The following GPR89A variants were observed in gnomAD, a reference collection of about 807,000 sequenced individuals.
The protein encoded by GPR89A is G protein-coupled receptor 89A.
Under a neutral mutation model 52.0 loss-of-function variants are expected in GPR89A, and 16 were observed. The observed-to-expected ratio is 0.31, with a 90% CI of 0.21 to 0.47. The LOEUF is 0.47. Ranked by LOEUF, GPR89A falls within the 20% of genes least tolerant of loss-of-function variation. The probability of loss-of-function intolerance (pLI) is 1.00; values close to 1 mark genes in which losing one functional copy is unlikely to be tolerated. For synonymous variants in GPR89A, 55 were observed against 150.9 expected (o/e 0.36, Z 4.66); for missense variants, 135 against 449.4 (o/e 0.30, Z 6.33).
intron 3 of GPR89A, among the ~76,000 whole-genome samples, chr1:145,619,240 C>T (rs1183824868): frequency 8.7e-5 from 12 of 137,812 alleles, no homozygotes; most frequent in Non-Finnish European, 1.4e-4. Flanking sequence ...GAGTTGAAAA[C>T]GAAATTTAAA....
At chr1:145,648,625 A>T (rs1400594696) in intron 10 of GPR89A, among the ~76,000 whole-genome samples, 1 of 150,938 alleles carries the variant, frequency 6.6e-6, no homozygotes, top group Non-Finnish European at 1.5e-5. Flanking sequence ...GATTGCAAGC[A>T]CGCACCACCA....
intron 12 of GPR89A, among the ~76,000 whole-genome samples, chr1:145,669,052 T>C (rs1253703257): frequency 1.1e-4 from 16 of 151,998 alleles, no homozygotes; most frequent in African/African-American, 3.4e-4. Flanking sequence ...TGCCAGGTTT[T>C]GGTATCAGGA....
chr1:145,663,344 G>A lies in GPR89A; in HGVS notation c.925G>A (p.Val309Ile), dbSNP rs1439152505. ...ATCTTTGCAGGCTACCATCAATATT[G>A]TTTTTGATCGAGTTGGGAAAACGGA... ...WKIFMATINIVFDRVGKTDPV... is the reference protein window; with the variant it reads ...WKIFMATINIIFDRVGKTDPV... Residue 309 changes from valine (V) to isoleucine (I), a missense_variant, in exon 11 of 14, where the codon GTT (valine) becomes ATT (isoleucine). Physicochemically the swap from Val to Ile is conservative, Grantham distance 29. Around this residue, in one of 10 missense-constraint regions of GPR89A, gnomAD observed 28 missense variants for 61.6 expected, o/e 0.45. Transcript: ENST00000313835. 1.9e-6 allele frequency: 3 copies of A among 1,610,320 alleles called. No individual in the cohort carries two copies. The highest frequency in any genetic ancestry group is 2.5e-6 in the Non-Finnish European group (3 of 1,179,030).
intron 12 of GPR89A, 119 bp from the exon 13 acceptor site, chr1:145,669,506 C>T (rs1652819192): frequency 1.4e-6 from 1 of 735,544 alleles, no homozygotes; most frequent in African/African-American, 1.8e-5. Context: ...ATGAATTGTT[C>T]TATACAGGAT....
intron 1 of GPR89A, among the ~76,000 whole-genome samples, chr1:145,614,076 C>A (rs1648493748): frequency 6.6e-6 from 1 of 152,094 alleles, no homozygotes; most frequent in Admixed American, 6.5e-5. Context: ...GTCCAGCCTC[C>A]CTACTTGATT....
intron 1 of GPR89A, among the ~76,000 whole-genome samples, chr1:145,615,351 A>G (rs1553686773): frequency 1.3e-5 from 2 of 152,040 alleles, no homozygotes; most frequent in African/African-American, 4.8e-5. Context: ...ATTTATTTTT[A>G]TTTATTTTTT....
At position 145,615,535 on chromosome 1, in the gene GPR89A, A is replaced by G. The variant is rs587713697; in HGVS notation, c.43-699A>G. Among the ~76,000 whole-genome samples the G allele has an allele frequency of 4.0e-5, 6 of 150,784 alleles. No individual in the cohort carries two copies. The South Asian group carries it at 1.1e-3, about 27-fold the overall frequency. On this transcript the variant is annotated intron_variant, in intron 1 of 13. Transcript: ENST00000313835. ...ATTTTTATGTGTGTGTGTTTTTTGT[A>G]GAGACGGGTTTTCACCATGTTGGCC...
intron 7 of GPR89A, among the ~76,000 whole-genome samples, chr1:145,634,698 A>G (rs587708576): frequency 6.6e-6 from 1 of 150,650 alleles, no homozygotes; most frequent in Non-Finnish European, 1.5e-5. Flanking sequence ...AATAGAGGTA[A>G]TAATAATGAG....
At chr1:145,657,745 T>C (rs1651907411) in intron 10 of GPR89A, among the ~76,000 whole-genome samples, 1 of 149,260 alleles carries the variant, frequency 6.7e-6, no homozygotes, top group East Asian at 2.0e-4. Flanking sequence ...ATTTGTCTAT[T>C]TTTATTGAAG....
At chr1:145,666,048 CT>C (rs1652531543) in intron 12 of GPR89A, among the ~76,000 whole-genome samples, 1 of 135,996 alleles carries the variant, frequency 7.4e-6, no homozygotes, top group Non-Finnish European at 1.6e-5. Context: ...AGAATTCTGC[CT>C]CCTGAGACTT....
At chr1:145,610,942 T>G (rs1648224502) in intron 1 of GPR89A, among the ~76,000 whole-genome samples, 1 of 152,184 alleles carries the variant, frequency 6.6e-6, no homozygotes, top group South Asian at 2.1e-4. Flanking sequence ...TATACCGTCA[T>G]AAGACTTATC....
intron 12 of GPR89A, among the ~76,000 whole-genome samples, chr1:145,666,875 A>G (rs1652599346): frequency 6.6e-6 from 1 of 152,042 alleles, no homozygotes; most frequent in South Asian, 2.1e-4. Flanking sequence ...CCTACAAAGG[A>G]CATGAACTCA....
intron 10 of GPR89A, among the ~76,000 whole-genome samples, chr1:145,658,599 A>T (rs1651975921): frequency 6.9e-6 from 1 of 145,718 alleles, no homozygotes. Flanking sequence ...ACCACACTCC[A>T]GCAGGCAGCA....
rs781829667 is a variant in GPR89A, at chr1:145,616,326, A to T, written c.102+33A>T. Reference sequence around the variant, plus strand: ...GAAATCATTTTGTCATACTTACACTATATGATTTAGATTGACAAGAAAAAT... The same window carrying T: ...GAAATCATTTTGTCATACTTACACTTTATGATTTAGATTGACAAGAAAAAT... On this transcript the variant is annotated intron_variant, in intron 2 of 13. Transcript: ENST00000313835. 73 of 1,575,000 alleles carry T rather than the reference A, an allele frequency of 4.6e-5. 1 individual carries two copies. In the South Asian group the frequency reaches 7.2e-4, roughly 15 times the overall value.
intron 10 of GPR89A, among the ~76,000 whole-genome samples, chr1:145,654,038 T>C (rs868968334): frequency 1.3e-5 from 2 of 152,194 alleles, no homozygotes; most frequent in Non-Finnish European, 2.9e-5. Flanking sequence ...AGACTTGTTA[T>C]TGTAGTTGCT....
At chr1:145,668,842 C>G (rs1312076853) in intron 12 of GPR89A, among the ~76,000 whole-genome samples, 110 of 152,096 alleles carry the variant, frequency 7.2e-4, no homozygotes, top group Admixed American at 1.2e-3. Context: ...TGGTTTTTGT[C>G]TTTGGTTCTG....
Position 145,665,436 on chromosome 1 carries a change from A to G in GPR89A, c.1006-126A>G, listed in dbSNP as rs1652489590. On this transcript the variant is annotated intron_variant, in intron 11 of 13. Coordinates refer to ENST00000313835, the MANE Select transcript of GPR89A (RefSeq NM_001097612.2). ...TACTTGCTTTCCTCTCTCCCTTAAG[A>G]AAAAAAATCAGGTAGGGTCTAATAA... 7 of 1,263,366 alleles carry G rather than the reference A, an allele frequency of 5.5e-6. No homozygotes were observed. The Admixed American group carries it at 1.3e-4, about 23-fold the overall frequency. The allele number at this position is 1,263,366 out of a possible 1,614,324, so 78.3% of individuals were successfully genotyped here.
In GPR89A at chr1:145,615,894, A is replaced by G. The variant is rs782416662; in HGVS notation, c.43-340A>G. ...CTTGTCCTCCCAAAGTGCTGGGATTACAAGTGTGAGGCACCGTGCCTGGCC... is the reference window on the plus strand; with the variant it reads ...CTTGTCCTCCCAAAGTGCTGGGATTGCAAGTGTGAGGCACCGTGCCTGGCC... On this transcript the variant is annotated intron_variant, in intron 1 of 13. Coordinates refer to ENST00000313835, the MANE Select transcript of GPR89A (RefSeq NM_001097612.2). Among the ~76,000 whole-genome samples, 53 of 152,192 alleles carry G rather than the reference A, an allele frequency of 3.5e-4. 1 individual carries two copies. The highest frequency in any genetic ancestry group is 6.5e-4 in the Non-Finnish European group (44 of 68,016).
chr1:145,652,453 T>A (rs1295175650), intron 10 of GPR89A, among the ~76,000 whole-genome samples: 17 of 138,052 alleles, frequency 1.2e-4, no homozygotes, highest in Admixed American at 1.1e-3. Flanking sequence ...TGGCCTGAAG[T>A]TTTCTTTTTT....
Sources: allele counts gnomAD v4.1 joint callset (sites outside exome capture counted in the v4.1 genomes callset), GRCh38; gene constraint gnomAD v4.1.1; regional missense constraint gnomAD v4.1.1; transcripts MANE v1.5; gene names NCBI Gene and HGNC (gene_info 2026-07-23, HGNC 2026-07-21).